The following ATP2C1 variants were observed in gnomAD, a reference collection of about 807,000 sequenced individuals.
ATP2C1 encodes the protein ATPase secretory pathway Ca2+ transporting 1.
A neutral mutation model predicts 120.5 loss-of-function variants in ATP2C1; 31 were observed. That is an observed-to-expected ratio of 0.26 (90% confidence interval 0.19 to 0.35). The LOEUF (loss-of-function observed/expected upper bound fraction) is 0.35. Among genes scored for constraint, ATP2C1 ranks in the 10% least tolerant of loss-of-function variants. The pLI is 1.00. For missense variants in ATP2C1, 731 were observed against 1,107.5 expected, an observed-to-expected ratio of 0.66 and a Z score of 4.83; for synonymous variants, 351 against 358.7, an observed-to-expected ratio of 0.98 and a Z score of 0.24.
At position 130,934,607 on chromosome 3, in the gene ATP2C1, T is replaced by G; in HGVS notation, c.235-15T>G. The G allele has an allele frequency of 6.3e-7, 1 of 1,578,426 alleles. No individual in the cohort carries two copies. The highest frequency in any genetic ancestry group is 8.7e-7 in the Non-Finnish European group (1 of 1,147,562). On this transcript the variant is annotated splice_polypyrimidine_tract_variant and intron_variant, in intron 4 of 27. Coordinates refer to ENST00000510168, the MANE Select transcript of ATP2C1 (RefSeq NM_001378687.1). Reference sequence around the variant, plus strand: ...TACAAAACTGTGTTGAATTGCTGTTTGTTTTTACTTTCAGTTTAAAAATCC... The same window carrying G: ...TACAAAACTGTGTTGAATTGCTGTTGGTTTTTACTTTCAGTTTAAAAATCC...
intron 26 of ATP2C1, among the ~76,000 whole-genome samples, chr3:131,015,441 A>G (rs1429434806): frequency 6.6e-6 from 1 of 152,068 alleles, no homozygotes; most frequent in African/African-American, 2.4e-5. Flanking sequence ...TCCACACCCT[A>G]CTGCTGCTGT....
At chr3:130,958,122 G>T (rs2060660449) in intron 11 of ATP2C1, among the ~76,000 whole-genome samples, 1 of 151,982 alleles carries the variant, frequency 6.6e-6, no homozygotes, top group Non-Finnish European at 1.5e-5. Flanking sequence ...TTCAAATTTA[G>T]TAATAAATAT....
chr3:130,907,418 G>A (rs974364304), intron 2 of ATP2C1, among the ~76,000 whole-genome samples: 2 of 151,902 alleles, frequency 1.3e-5, no homozygotes, highest in African/African-American at 4.8e-5. Flanking sequence ...TAACTCTCAC[G>A]CTTGATCCAT....
At chr3:130,996,149 G>T in intron 23 of ATP2C1, 38 bp downstream of exon 23, 1 of 1,399,702 alleles carries the variant, frequency 7.1e-7, no homozygotes, top group South Asian at 1.2e-5. Context: ...GGGTCTTCTG[G>T]ATAAATTATA....
chr3:130,941,222 CAGTGTGTGTGTGTG>C (rs1333705884), intron 7 of ATP2C1, among the ~76,000 whole-genome samples: 5 of 105,130 alleles, frequency 4.8e-5, no homozygotes, highest in African/African-American at 1.7e-4. Flanking sequence ...CTGTATTTAA[CAGTGTGTGTGTGTG>C]TGTGTGTGTG....
chr3:130,906,691 T>C (rs1381193140), intron 2 of ATP2C1, among the ~76,000 whole-genome samples: 2 of 151,040 alleles, frequency 1.3e-5, no homozygotes, highest in East Asian at 1.9e-4. Context: ...TTTTTTTTTT[T>C]CCATTGCATC....
chr3:131,014,459 A>G, intron 26 of ATP2C1: 1 of 1,404,266 alleles, frequency 7.1e-7, no homozygotes, highest in Non-Finnish European at 9.6e-7. Context: ...CCATTGACAT[A>G]GCTTCAACAA....
intron 17 of ATP2C1, among the ~76,000 whole-genome samples, chr3:130,971,610 T>G (rs2061319719): frequency 6.6e-6 from 1 of 152,064 alleles, no homozygotes; most frequent in South Asian, 2.1e-4. Context: ...AGATATAAAC[T>G]CAGAAAGTAT....
chr3:130,994,451 T>C (rs1323406952), intron 22 of ATP2C1, among the ~76,000 whole-genome samples: 1 of 152,204 alleles, frequency 6.6e-6, no homozygotes, highest in Non-Finnish European at 1.5e-5. Context: ...ATAATAAATA[T>C]TGAAAATTAT....
At chr3:130,977,969 C>T (rs1336718533) in intron 18 of ATP2C1, among the ~76,000 whole-genome samples, 2 of 152,078 alleles carry the variant, frequency 1.3e-5, no homozygotes, top group Non-Finnish European at 2.9e-5. Flanking sequence ...GTTTACCTAT[C>T]CTTGACTCAG....
chr3:130,948,324 G>C (rs919132522), intron 8 of ATP2C1, among the ~76,000 whole-genome samples: 8 of 151,698 alleles, frequency 5.3e-5, no homozygotes, highest in African/African-American at 1.7e-4. Flanking sequence ...AATGTTGCCA[G>C]ATAGAAAATT....
chr3:130,990,932 AAG>A (rs2062305810), intron 20 of ATP2C1, among the ~76,000 whole-genome samples: 1 of 152,228 alleles, frequency 6.6e-6, no homozygotes, highest in African/African-American at 2.4e-5. Flanking sequence ...TGAGACATCT[AAG>A]AGGAAATGTG....
chr3:130,926,808 A>T (rs2059229282), intron 2 of ATP2C1, among the ~76,000 whole-genome samples: 1 of 152,232 alleles, frequency 6.6e-6, no homozygotes, highest in African/African-American at 2.4e-5. Flanking sequence ...CTGTTTTCCT[A>T]TCATGTGAAA....
At chr3:130,879,446 G>C (rs2068713326) in intron 1 of ATP2C1, among the ~76,000 whole-genome samples, 1 of 151,866 alleles carries the variant, frequency 6.6e-6, no homozygotes, top group African/African-American at 2.4e-5. Flanking sequence ...TTGTTTTCTT[G>C]ATTTTATTGT....
rs7610954 is a variant in ATP2C1, at chr3:130,910,567, T to C, written c.6+15792T>C. 4.4e-3 allele frequency among the ~76,000 whole-genome samples: 601 copies of C among 138,056 alleles called. 6 individuals carry two copies. Among genetic ancestry groups the C allele is most frequent in the African/African-American group, 0.016 (574 of 36,102 alleles). 90.6% of individuals were successfully genotyped at this position (138,056 alleles called of 152,430 possible). On this transcript the variant is annotated intron_variant, in intron 2 of 27. Transcript: ENST00000510168. ...GCTTCCAGTTTTTGCCCATTCAGTATGATATTGGCTGTGAGTTTGTCATAG... is the reference window on the plus strand; with the variant it reads ...GCTTCCAGTTTTTGCCCATTCAGTACGATATTGGCTGTGAGTTTGTCATAG...
At chr3:130,943,097 T>A (rs2059992580) in intron 8 of ATP2C1, among the ~76,000 whole-genome samples, 1 of 152,240 alleles carries the variant, frequency 6.6e-6, no homozygotes, top group East Asian at 1.9e-4. Flanking sequence ...TAACTAAGGG[T>A]TAATTGACTT....
At chr3:130,919,080 G>A (rs764552274) in intron 2 of ATP2C1, 11 of 472,990 alleles carry the variant, frequency 2.3e-5, no homozygotes, top group Non-Finnish European at 3.7e-5. Flanking sequence ...CGGCCCTCCC[G>A]CAGACCCCAC....
chr3:130,924,153 T>G (rs1441797034), intron 2 of ATP2C1, among the ~76,000 whole-genome samples: 1 of 152,098 alleles, frequency 6.6e-6, no homozygotes, highest in Non-Finnish European at 1.5e-5. Flanking sequence ...TTTTGTTTTT[T>G]TTTTTCATTG....
In ATP2C1 at chr3:130,955,029, A is replaced by G; in HGVS notation, c.705A>G (p.Thr235=). The change falls in exon 10 of 28, where the codon ACA becomes ACG. Residue 235 remains threonine (T), a synonymous_variant. Transcript: ENST00000510168. ...CCCCTTAGGGTGTTGTCATTGGAAC[A>G]GGAGAAAATTCTGAATTTGGGGAGG... The part of the protein sequence containing the change: ...CGKAKGVVIG[T]GENSEFGEVF... 1 of 1,612,808 alleles carries G rather than the reference A, an allele frequency of 6.2e-7. No homozygotes were observed. Among genetic ancestry groups the G allele is most frequent in the East Asian group, 2.2e-5 (1 of 44,774 alleles).
Sources: gnomAD v4.1 joint callset for allele counts (sites outside exome capture counted in the v4.1 genomes callset) on GRCh38, gnomAD v4.1.1 for gene constraint, MANE v1.5 for transcripts, NCBI Gene and HGNC (gene_info 2026-07-23, HGNC 2026-07-21) for gene names.